The following LIN54 variants were observed in gnomAD, a reference collection of about 807,000 sequenced individuals.
LIN54 encodes the protein lin-54 DREAM MuvB core complex component.
Under a neutral mutation model 78.7 loss-of-function variants are expected in LIN54, and 9 were observed. The ratio of observed to expected loss-of-function variants is 0.11; its 90% CI spans 0.07 to 0.20. The LOEUF (loss-of-function observed/expected upper bound fraction) is 0.20. Among genes scored for constraint, LIN54 ranks in the 10% least tolerant of loss-of-function variants. The pLI is 1.00. For missense variants in LIN54, 573 were observed against 889.9 expected (o/e 0.64, Z 4.53); for synonymous variants, 269 against 318.4 (o/e 0.84, Z 1.65).
At chr4:82,983,751 G>A (rs1726886519) in intron 2 of LIN54, among the ~76,000 whole-genome samples, 1 of 151,764 alleles carries the variant, frequency 6.6e-6, no homozygotes, top group Non-Finnish European at 1.5e-5. Flanking sequence ...GTTTCTCAGA[G>A]CAACAAAGTT....
intron 5 of LIN54, among the ~76,000 whole-genome samples, chr4:82,942,710 A>G (rs1428973190): frequency 6.6e-6 from 1 of 152,048 alleles, no homozygotes; most frequent in Non-Finnish European, 1.5e-5. Context: ...AGTGATTCTG[A>G]AGTGAGAGCA....
Position 82,957,687 on chromosome 4 carries a change from T to C in LIN54, c.952-11213A>G, listed in dbSNP as rs141748093. Among the ~76,000 whole-genome samples, 48 of 152,304 alleles carry C rather than the reference T, an allele frequency of 3.2e-4. 1 individual carries two copies. In the East Asian group the frequency reaches 6.6e-3, roughly 21 times the overall value. Reference sequence around the variant, plus strand: ...TAGCTTAGGATGCCCTCTCTAACCATCCCAACTGTAGTTGAATCCCCTTAG... The same window carrying C: ...TAGCTTAGGATGCCCTCTCTAACCACCCCAACTGTAGTTGAATCCCCTTAG... On this transcript the variant is annotated intron_variant, in intron 4 of 12. Coordinates refer to ENST00000340417, the MANE Select transcript of LIN54 (RefSeq NM_194282.4).
chr4:82,987,523 T>G (rs1727270002), intron 1 of LIN54, among the ~76,000 whole-genome samples: 1 of 151,284 alleles, frequency 6.6e-6, no homozygotes, highest in South Asian at 2.1e-4. Context: ...CTAAGTTCCC[T>G]CCCCTTGACC....
chr4:83,007,888 T>C (rs566530667), intron 1 of LIN54, among the ~76,000 whole-genome samples: 1 of 146,526 alleles, frequency 6.8e-6, no homozygotes, highest in Non-Finnish European at 1.5e-5. Flanking sequence ...CCATCTCATT[T>C]AAAAAAAAAA....
intron 4 of LIN54, among the ~76,000 whole-genome samples, chr4:82,952,104 A>G (rs1233365593): frequency 6.6e-6 from 1 of 152,230 alleles, no homozygotes; most frequent in Non-Finnish European, 1.5e-5. Context: ...GGTGCAGACA[A>G]TCAAAGAAAA....
At chr4:82,936,696 C>G (rs1431441381) in intron 9 of LIN54, among the ~76,000 whole-genome samples, 1 of 151,898 alleles carries the variant, frequency 6.6e-6, no homozygotes, top group Non-Finnish European at 1.5e-5. Flanking sequence ...TATGTGCCCC[C>G]AAAGTAAGGC....
chr4:82,955,953 AC>A (rs1480959624), intron 4 of LIN54, among the ~76,000 whole-genome samples: 6 of 152,236 alleles, frequency 3.9e-5, no homozygotes, highest in Admixed American at 3.3e-4. Flanking sequence ...TGCTATTTCA[AC>A]CTTTTAATAT....
At chr4:82,937,638 A>G (rs1369936831) in intron 8 of LIN54, among the ~76,000 whole-genome samples, 1 of 152,228 alleles carries the variant, frequency 6.6e-6, no homozygotes, top group Non-Finnish European at 1.5e-5. Context: ...TAAGAAAACA[A>G]AAGTTGAGAT....
At chr4:82,946,720 G>C (rs1331792767) in intron 4 of LIN54, among the ~76,000 whole-genome samples, 1 of 152,128 alleles carries the variant, frequency 6.6e-6, no homozygotes, top group African/African-American at 2.4e-5. Flanking sequence ...CAGATGACTT[G>C]CTATGAAGAA....
chr4:82,947,861 A>G (rs1373117510), intron 4 of LIN54, among the ~76,000 whole-genome samples: 1 of 152,242 alleles, frequency 6.6e-6, no homozygotes, highest in East Asian at 1.9e-4. Context: ...GATGGAGGAA[A>G]TATGTATTCA....
At chr4:82,979,982 C>T in intron 2 of LIN54, among the ~76,000 whole-genome samples, 1 of 140,118 alleles carries the variant, frequency 7.1e-6, no homozygotes, top group Non-Finnish European at 1.5e-5. Flanking sequence ...GGTCTCATCT[C>T]GTCACCCAGA....
chr4:82,932,261 A>AT (rs1245985427), intron 11 of LIN54, among the ~76,000 whole-genome samples: 1 of 149,886 alleles, frequency 6.7e-6, no homozygotes, highest in African/African-American at 2.4e-5. Context: ...CGCCCGGCTA[A>AT]TTTTTTTTGT....
intron 2 of LIN54, among the ~76,000 whole-genome samples, 177 bp from the exon 3 acceptor site, chr4:82,979,183 T>G (rs1305390304): frequency 1.3e-5 from 2 of 152,166 alleles, no homozygotes; most frequent in African/African-American, 2.4e-5. Context: ...AATATTAATA[T>G]TATTATATCC....
intron 1 of LIN54, among the ~76,000 whole-genome samples, chr4:82,995,669 G>C (rs897244724): frequency 1.3e-5 from 2 of 150,632 alleles, no homozygotes; most frequent in African/African-American, 4.9e-5. Flanking sequence ...CTAATTTTTT[G>C]TATTTTTAGT....
intron 12 of LIN54, among the ~76,000 whole-genome samples, chr4:82,929,085 T>G (rs752628635): frequency 9.9e-5 from 15 of 152,170 alleles, no homozygotes; most frequent in Non-Finnish European, 1.8e-4. Flanking sequence ...AGTCTGAAAT[T>G]AAAGCTCACT....
intron 4 of LIN54, among the ~76,000 whole-genome samples, chr4:82,960,200 T>C (rs530894244): frequency 6.6e-6 from 1 of 152,334 alleles, no homozygotes; most frequent in African/African-American, 2.4e-5. Flanking sequence ...TCTTGCTCTG[T>C]CATCCAGACT....
At chr4:82,969,518 C>T (rs1725475128) in intron 4 of LIN54, among the ~76,000 whole-genome samples, 1 of 152,122 alleles carries the variant, frequency 6.6e-6, no homozygotes, top group African/African-American at 2.4e-5. Flanking sequence ...TATGAGATAA[C>T]ATATTTGTAC....
intron 9 of LIN54, 81 bp from the exon 10 acceptor site, chr4:82,936,462 TA>T: frequency 4.3e-6 from 3 of 694,448 alleles, no homozygotes; most frequent in Non-Finnish European, 7.4e-6. Context: ...ATTGTATATA[TA>T]TTGTACACAT....
chr4:83,007,739 AT>A (rs1729523111), intron 1 of LIN54, among the ~76,000 whole-genome samples: 1 of 152,048 alleles, frequency 6.6e-6, no homozygotes, highest in South Asian at 2.1e-4. Flanking sequence ...AATACAAAAA[AT>A]TAACCGAGCG....
Sources: gnomAD v4.1 joint callset for allele counts (sites outside exome capture counted in the v4.1 genomes callset) on GRCh38, gnomAD v4.1.1 for gene constraint, MANE v1.5 for transcripts, NCBI Gene and HGNC (gene_info 2026-07-23, HGNC 2026-07-21) for gene names.